Variants in ANTXR1 observed in about 807,000 individuals in gnomAD.
ANTXR1 encodes the protein anthrax toxin receptor 1.
In ANTXR1, 19 loss-of-function variants were observed where a neutral mutation model predicts 78.1. The ratio of observed to expected loss-of-function variants is 0.24; its 90% CI spans 0.17 to 0.36. The LOEUF (loss-of-function observed/expected upper bound fraction) is 0.36, where lower values mean the gene tolerates loss of function less well. Ranked by LOEUF, ANTXR1 falls within the 10% of genes least tolerant of loss-of-function variation. The pLI is 1.00. For missense variants in ANTXR1, 518 were observed against 718.6 expected, an observed-to-expected ratio of 0.72 and a Z score of 3.19; for synonymous variants, 273 against 260.5, an observed-to-expected ratio of 1.05 and a Z score of -0.46.
intron 1 of ANTXR1, among the ~76,000 whole-genome samples, chr2:69,026,167 G>A (rs1257318348): frequency 6.6e-6 from 1 of 152,200 alleles, no homozygotes; most frequent in Non-Finnish European, 1.5e-5. Flanking sequence ...GGGAGGCAGT[G>A]TTGCCTAATG....
At chr2:69,042,548 T>A (rs1669642506) in intron 2 of ANTXR1, among the ~76,000 whole-genome samples, 1 of 152,198 alleles carries the variant, frequency 6.6e-6, no homozygotes. Flanking sequence ...CCCCACAGTC[T>A]ACAAACACAA....
intron 8 of ANTXR1, among the ~76,000 whole-genome samples, chr2:69,088,549 G>A (rs1460225709): frequency 6.6e-6 from 1 of 152,052 alleles, no homozygotes; most frequent in Admixed American, 6.5e-5. Flanking sequence ...CAAGTCAAAG[G>A]GGGTGGCTTC....
chr2:69,100,861 A>G (rs929423979), intron 9 of ANTXR1, among the ~76,000 whole-genome samples: 1 of 152,224 alleles, frequency 6.6e-6, no homozygotes, highest in Non-Finnish European at 1.5e-5. Context: ...CCTGACAGAC[A>G]TCTAGAGAAA....
intron 12 of ANTXR1, among the ~76,000 whole-genome samples, chr2:69,135,664 A>C (rs1203923539): frequency 6.6e-6 from 1 of 152,130 alleles, no homozygotes; most frequent in East Asian, 1.9e-4. Context: ...TAATGTTAAA[A>C]GGAACAGTTA....
At chr2:69,067,155 G>A (rs906346004) in intron 3 of ANTXR1, among the ~76,000 whole-genome samples, 4 of 152,102 alleles carry the variant, frequency 2.6e-5, no homozygotes, top group Non-Finnish European at 5.9e-5. Flanking sequence ...GTAGGGAGAT[G>A]GGGCCATGTG....
chr2:69,234,243 A>C (rs952493169), intron 17 of ANTXR1, among the ~76,000 whole-genome samples: 1 of 152,264 alleles, frequency 6.6e-6, no homozygotes, highest in Non-Finnish European at 1.5e-5. Flanking sequence ...AGAGAAGTGG[A>C]ACAGAGATCT....
chr2:69,098,989 A>C (rs1295052420), intron 9 of ANTXR1, among the ~76,000 whole-genome samples: 2 of 152,142 alleles, frequency 1.3e-5, no homozygotes, highest in East Asian at 3.8e-4. Flanking sequence ...GCGTCTAAAT[A>C]AATAAAGTAC....
intron 17 of ANTXR1, among the ~76,000 whole-genome samples, chr2:69,229,802 T>C (rs552767202): frequency 1.3e-5 from 2 of 151,260 alleles, no homozygotes; most frequent in South Asian, 2.1e-4. Flanking sequence ...CCATCCAAAA[T>C]GTTGATTAAA....
chr2:69,210,332 C>T (rs183067815), intron 17 of ANTXR1, among the ~76,000 whole-genome samples: 191 of 152,318 alleles, frequency 1.3e-3, no homozygotes, highest in African/African-American at 4.5e-3. Context: ...ATTGTCCTGC[C>T]TAGCTGTTAG....
chr2:69,171,773 C>T (rs1330757964), intron 14 of ANTXR1, among the ~76,000 whole-genome samples: 1 of 152,102 alleles, frequency 6.6e-6, no homozygotes, highest in Non-Finnish European at 1.5e-5. Context: ...GATGAAGGAC[C>T]CAGCAACACA....
At chr2:69,164,662 T>C (rs1328537143) in intron 13 of ANTXR1, among the ~76,000 whole-genome samples, 2 of 152,176 alleles carry the variant, frequency 1.3e-5, no homozygotes, top group African/African-American at 4.8e-5. Context: ...CTGGCTGGGA[T>C]TGTTTCAGGG....
chr2:69,126,405 T>A (rs1292918594), intron 12 of ANTXR1, among the ~76,000 whole-genome samples: 1 of 152,178 alleles, frequency 6.6e-6, no homozygotes, highest in Non-Finnish European at 1.5e-5. Flanking sequence ...CACCAAATTT[T>A]AAAAACTGTA....
chr2:69,202,556 G>C (rs989243234), intron 17 of ANTXR1, among the ~76,000 whole-genome samples: 3 of 152,200 alleles, frequency 2.0e-5, no homozygotes, highest in African/African-American at 7.2e-5. Context: ...GTAGAGGAAG[G>C]GGTTGAAGAC....
chr2:69,132,755 G>A (rs142904223), intron 12 of ANTXR1, among the ~76,000 whole-genome samples: 1 of 152,334 alleles, frequency 6.6e-6, no homozygotes, highest in African/African-American at 2.4e-5. Context: ...AGAAGGATGG[G>A]GAGGAGGTTG....
intron 3 of ANTXR1, among the ~76,000 whole-genome samples, chr2:69,050,698 C>T (rs923273266): frequency 1.3e-5 from 2 of 152,112 alleles, no homozygotes; most frequent in Non-Finnish European, 2.9e-5. Flanking sequence ...TGTTTTCTAA[C>T]TTGAGAAACA....
At chr2:69,049,588 G>A (rs1669872272) in intron 3 of ANTXR1, among the ~76,000 whole-genome samples, 1 of 152,134 alleles carries the variant, frequency 6.6e-6, no homozygotes, top group African/African-American at 2.4e-5. Flanking sequence ...GGGATTACAG[G>A]TGTGAGCCAC....
chr2:69,158,874 A>G (rs1156327306), intron 13 of ANTXR1, among the ~76,000 whole-genome samples: 1 of 152,234 alleles, frequency 6.6e-6, no homozygotes, highest in Non-Finnish European at 1.5e-5. Context: ...TAGTCCCATC[A>G]TACATCGAGG....
intron 17 of ANTXR1, among the ~76,000 whole-genome samples, chr2:69,241,130 C>T (rs1675884492): frequency 6.6e-6 from 1 of 152,192 alleles, no homozygotes; most frequent in Admixed American, 6.5e-5. Flanking sequence ...GGATCGGAAT[C>T]AAACCACCCA....
At chr2:69,024,174 T>A (rs1181924125) in intron 1 of ANTXR1, among the ~76,000 whole-genome samples, 2 of 152,148 alleles carry the variant, frequency 1.3e-5, no homozygotes, top group African/African-American at 4.8e-5. Flanking sequence ...AGGAAAGGGT[T>A]GCAACAGTAA....
Sources: allele counts gnomAD v4.1 joint callset (sites outside exome capture counted in the v4.1 genomes callset), GRCh38; gene constraint gnomAD v4.1.1; transcripts MANE v1.5; gene names NCBI Gene and HGNC (gene_info 2026-07-23, HGNC 2026-07-21).